Variants in ANKMY2 observed in about 807,000 individuals in gnomAD.
ANKMY2 encodes the protein ankyrin repeat and MYND domain-containing protein 2.
ANKMY2 carries 36 observed loss-of-function variants against 50.4 expected under a neutral mutation model. The ratio of observed to expected loss-of-function variants is 0.71; its 90% CI spans 0.55 to 0.94. The LOEUF is 0.94. Among genes scored for constraint, ANKMY2 ranks in the 40% least tolerant of loss-of-function variants. ANKMY2 has a pLI of 0.00. For synonymous variants in ANKMY2, 187 were observed against 178.8 expected (o/e 1.05, Z -0.36); for missense variants, 565 against 524.0 (o/e 1.08, Z -0.76).
chr7:16,615,024 A>G (rs1051625930), intron 5 of ANKMY2, among the ~76,000 whole-genome samples: 1 of 152,226 alleles, frequency 6.6e-6, no homozygotes, highest in African/African-American at 2.4e-5. Context: ...TCTGGAAGAC[A>G]ATAGCAGTGA....
At chr7:16,639,075 C>T (rs1781711592) in intron 1 of ANKMY2, among the ~76,000 whole-genome samples, 1 of 152,130 alleles carries the variant, frequency 6.6e-6, no homozygotes, top group Non-Finnish European at 1.5e-5. Context: ...CATGGATGAG[C>T]AAAACACTCC....
At position 16,604,833 on chromosome 7, in the gene ANKMY2, G is replaced by A. The variant is rs1360070971; in HGVS notation, c.899C>T (p.Ala300Val). The A allele has an allele frequency of 6.2e-7, 1 of 1,613,448 alleles. No homozygotes were observed. The highest frequency in any genetic ancestry group is 1.7e-5 in the Admixed American group (1 of 59,814). The change falls in exon 8 of 10, where the codon GCA becomes GTA. Residue 300 changes from alanine (A) to valine (V), a missense_variant. Coordinates refer to ENST00000306999, the MANE Select transcript of ANKMY2 (RefSeq NM_020319.3). ...APVEIGSDPT[A>V]FSVLTQAITG... ...GATGGCTTGGGTAAGGACGGAGAAT[G>A]CAGTGGGATCAGAACCCTAGAGTGG...
At chr7:16,624,904 C>T in intron 4 of ANKMY2, 79 bp downstream of exon 4, 1 of 1,208,360 alleles carries the variant, frequency 8.3e-7, no homozygotes, top group Non-Finnish European at 1.2e-6. Context: ...ATATTTTCAC[C>T]ATGAGAAGCA....
At chr7:16,634,565 G>C (rs931993601) in intron 2 of ANKMY2, among the ~76,000 whole-genome samples, 1 of 152,142 alleles carries the variant, frequency 6.6e-6, no homozygotes, top group Non-Finnish European at 1.5e-5. Context: ...TCTTCAGAGT[G>C]TTTGGCTGGA....
chr7:16,605,408 T>C (rs2128341859), intron 7 of ANKMY2, among the ~76,000 whole-genome samples: 1 of 152,292 alleles, frequency 6.6e-6, no homozygotes, highest in Non-Finnish European at 1.5e-5. Flanking sequence ...CATGCAGCAA[T>C]TGAATCAAAG....
intron 7 of ANKMY2, among the ~76,000 whole-genome samples, chr7:16,605,799 C>T (rs1443416506): frequency 6.6e-6 from 1 of 150,890 alleles, no homozygotes; most frequent in African/African-American, 2.4e-5. Flanking sequence ...TCTCCTGCCT[C>T]AGCCTCCCAA....
Position 16,615,897 on chromosome 7 carries a change from A to C in ANKMY2, c.378T>G (p.His126Gln). Reference protein sequence around the residue: ...AAQMAAFVGQHDCVTIINNFF... With the variant: ...AAQMAAFVGQQDCVTIINNFF... ...AATTGTTGATTATGGTCACACAATC[A>C]TGTTGACCTTTTCATAGAAAAATAG... The change falls in exon 5 of 10, where the codon CAT (histidine) becomes CAG (glutamine). Residue 126 changes from histidine (H) to glutamine (Q), a missense_variant. Coordinates refer to ENST00000306999, the MANE Select transcript of ANKMY2 (RefSeq NM_020319.3). The C allele has an allele frequency of 3.1e-6, 5 of 1,596,268 alleles. No individual in the cohort carries two copies. The highest frequency in any genetic ancestry group is 4.3e-6 in the Non-Finnish European group (5 of 1,172,272).
intron 1 of ANKMY2, among the ~76,000 whole-genome samples, chr7:16,644,198 A>G (rs1781783282): frequency 6.6e-6 from 1 of 152,224 alleles, no homozygotes; most frequent in South Asian, 2.1e-4. Context: ...AAAGGCAGGG[A>G]GAAATTACCT....
intron 4 of ANKMY2, among the ~76,000 whole-genome samples, chr7:16,617,119 G>A (rs1003140750): frequency 5.3e-5 from 8 of 151,874 alleles, no homozygotes; most frequent in Admixed American, 1.3e-4. Flanking sequence ...ATTGAAGCTC[G>A]ATGTAGATTT....
At chr7:16,627,326 T>C in intron 2 of ANKMY2, 148 bp from the exon 3 acceptor site, 4 of 514,858 alleles carry the variant, frequency 7.8e-6, no homozygotes, top group Non-Finnish European at 1.3e-5. Flanking sequence ...CTTCCACACT[T>C]TGATCTTCCA....
In ANKMY2 at chr7:16,608,818, T is replaced by A. The variant is rs924834446; in HGVS notation, c.882+812A>T. ...GAGTTCGAGACCAACCTGGTCAACA[T>A]GGTGAAATCCCATCTCTACTAAAAA... On this transcript the variant is annotated intron_variant, in intron 7 of 9. Transcript: ENST00000306999. Among the ~76,000 whole-genome samples the A allele has an allele frequency of 4.6e-5, 7 of 152,168 alleles. No homozygotes were observed. The East Asian group carries it at 1.4e-3, about 29-fold the overall frequency.
At chr7:16,642,814 T>G (rs897452658) in intron 1 of ANKMY2, among the ~76,000 whole-genome samples, 1 of 152,218 alleles carries the variant, frequency 6.6e-6, no homozygotes, top group Non-Finnish European at 1.5e-5. Flanking sequence ...CTGAGTTAAC[T>G]TGACAGATGT....
intron 2 of ANKMY2, among the ~76,000 whole-genome samples, chr7:16,632,001 A>T (rs1434733635): frequency 1.3e-5 from 2 of 152,256 alleles, no homozygotes; most frequent in African/African-American, 4.8e-5. Context: ...TTATCTTAAT[A>T]AAAAAGTTAT....
chr7:16,621,646 C>G (rs1016774226), intron 4 of ANKMY2, among the ~76,000 whole-genome samples: 2 of 152,008 alleles, frequency 1.3e-5, no homozygotes. Context: ...ACAAGAAACA[C>G]GGAAGCTATA....
At chr7:16,610,464 T>A in intron 6 of ANKMY2, 85 bp downstream of exon 6, 1 of 1,173,104 alleles carries the variant, frequency 8.5e-7, no homozygotes, top group Non-Finnish European at 1.2e-6. Flanking sequence ...AAATGTTTAA[T>A]TTTGAAACAC....
intron 7 of ANKMY2, among the ~76,000 whole-genome samples, chr7:16,605,303 C>T (rs1232640923): frequency 6.6e-6 from 1 of 152,038 alleles, no homozygotes; most frequent in African/African-American, 2.4e-5. Context: ...ATTTTAAAGA[C>T]AATATATTTA....
chr7:16,642,862 T>C (rs72593045), intron 1 of ANKMY2, among the ~76,000 whole-genome samples: 12,419 of 152,182 alleles, frequency 0.082, 931 homozygotes, highest in East Asian at 0.24. Flanking sequence ...AAAGTGAATA[T>C]TGTATGGACT....
At chr7:16,607,261 T>A (rs1562766759) in intron 7 of ANKMY2, among the ~76,000 whole-genome samples, 1 of 152,206 alleles carries the variant, frequency 6.6e-6, no homozygotes, top group Non-Finnish European at 1.5e-5. Flanking sequence ...ATCACTGGGA[T>A]AAACATTAAT....
At chr7:16,618,309 T>G (rs1781386668) in intron 4 of ANKMY2, among the ~76,000 whole-genome samples, 1 of 151,902 alleles carries the variant, frequency 6.6e-6, no homozygotes, top group African/African-American at 2.4e-5. Flanking sequence ...ACAAAAAAGA[T>G]CGAGTGGATG....
Sources: gnomAD v4.1 joint callset for allele counts (sites outside exome capture counted in the v4.1 genomes callset) on GRCh38, gnomAD v4.1.1 for gene constraint, MANE v1.5 for transcripts, NCBI Gene and HGNC (gene_info 2026-07-23, HGNC 2026-07-21) for gene names.